MGAT4C: variants seen among roughly 807,000 people sequenced by gnomAD.
MGAT4C encodes alpha-1,3-mannosyl-glycoprotein 4-beta-N-acetylglucosaminyltransferase C.
MGAT4C carries 19 observed loss-of-function variants against 40.1 expected under a neutral mutation model. The observed-to-expected ratio is 0.47, with a 90% confidence interval of 0.33 to 0.70. The LOEUF is 0.70. MGAT4C is among the 30% of genes least tolerant of loss of function. MGAT4C has a pLI of 0.02. For missense variants in MGAT4C, 491 were observed against 563.2 expected (o/e 0.87, Z 1.30); for synonymous variants, 181 against 187.1 (o/e 0.97, Z 0.27).
chr12:86,649,375 C>CA lies in MGAT4C; in HGVS notation c.-229+77833dup, dbSNP rs1293506957. On this transcript the variant is annotated intron_variant, in intron 2 of 7. Transcript: ENST00000548651. ...AGCTTTTTATTTCTAGTTATTAACA[C>CA]AGGATCTTTAATGTAGTAGATGTTT... Among the ~76,000 whole-genome samples, 4 of 151,820 alleles carry CA rather than the reference C, an allele frequency of 2.6e-5. No homozygotes were observed. In the East Asian group the frequency reaches 7.8e-4, roughly 30 times the overall value.
At chr12:86,718,809 G>A (rs1337175103) in intron 2 of MGAT4C, among the ~76,000 whole-genome samples, 1 of 152,088 alleles carries the variant, frequency 6.6e-6, no homozygotes, top group Non-Finnish European at 1.5e-5. Context: ...TCTAACTAAT[G>A]TCTGTTTATC....
At chr12:86,678,425 TTTTTTA>T (rs2136574708) in intron 2 of MGAT4C, among the ~76,000 whole-genome samples, 1 of 152,148 alleles carries the variant, frequency 6.6e-6, no homozygotes, top group Admixed American at 6.6e-5. Context: ...TTCCTCTTTT[TTTTTTA>T]TTTTATTATT....
chr12:86,272,775 C>A, intron 4 of MGAT4C, among the ~76,000 whole-genome samples: 1 of 151,990 alleles, frequency 6.6e-6, no homozygotes, highest in East Asian at 1.9e-4. Context: ...TCACATTGAG[C>A]CTGGGAGGTC....
intron 2 of MGAT4C, among the ~76,000 whole-genome samples, chr12:86,443,954 C>T (rs1957286706): frequency 6.6e-6 from 1 of 152,114 alleles, no homozygotes; most frequent in Non-Finnish European, 1.5e-5. Context: ...TCTTCTTATT[C>T]ATATAAGTTA....
At chr12:86,243,461 A>G (rs1951874951) in intron 1 of MGAT4C, among the ~76,000 whole-genome samples, 1 of 152,164 alleles carries the variant, frequency 6.6e-6, no homozygotes, top group African/African-American at 2.4e-5. Context: ...CTTACAGCCA[A>G]TAGAATAAGG....
chr12:86,248,624 C>T (rs551311348), intron 1 of MGAT4C, among the ~76,000 whole-genome samples: 125 of 152,226 alleles, frequency 8.2e-4, no homozygotes, highest in African/African-American at 3.0e-3. Flanking sequence ...CCTCTTCTGT[C>T]ATGCCTTTTC....
chr12:86,674,538 A>G (rs1430067841), intron 2 of MGAT4C, among the ~76,000 whole-genome samples: 1 of 152,028 alleles, frequency 6.6e-6, no homozygotes, highest in East Asian at 1.9e-4. Flanking sequence ...TTTACTAAAA[A>G]TACAAGAAAC....
intron 1 of MGAT4C, among the ~76,000 whole-genome samples, chr12:86,125,641 G>T (rs1880110133): frequency 6.6e-6 from 1 of 152,088 alleles, no homozygotes; most frequent in African/African-American, 2.4e-5. Context: ...CAATGAAATA[G>T]AATTATTACA....
intron 2 of MGAT4C, among the ~76,000 whole-genome samples, chr12:86,526,245 G>A (rs572818263): frequency 3.3e-5 from 5 of 152,194 alleles, no homozygotes; most frequent in South Asian, 2.1e-4. Flanking sequence ...AGGGTTGGCC[G>A]GCTCTGTGCC....
At chr12:86,808,555 A>T (rs1952408394) in intron 1 of MGAT4C, among the ~76,000 whole-genome samples, 1 of 152,046 alleles carries the variant, frequency 6.6e-6, no homozygotes, top group Non-Finnish European at 1.5e-5. Flanking sequence ...TAGATGCAAA[A>T]AAGGACTTCA....
At chr12:86,748,575 G>A (rs1230389107) in intron 1 of MGAT4C, among the ~76,000 whole-genome samples, 2 of 151,622 alleles carry the variant, frequency 1.3e-5, no homozygotes, top group African/African-American at 4.8e-5. Flanking sequence ...CAGAACTGGA[G>A]GCCATGCTGA....
intron 4 of MGAT4C, among the ~76,000 whole-genome samples, chr12:86,269,929 T>A (rs1952899640): frequency 6.6e-6 from 1 of 152,212 alleles, no homozygotes. Flanking sequence ...GTTTATTATT[T>A]TAAACCATTT....
chr12:86,089,033 T>C (rs1461811312), intron 1 of MGAT4C, among the ~76,000 whole-genome samples: 2 of 152,010 alleles, frequency 1.3e-5, no homozygotes, highest in African/African-American at 2.4e-5. Context: ...CTCTTCTTTA[T>C]GTCAAATATT....
intron 2 of MGAT4C, among the ~76,000 whole-genome samples, chr12:86,486,853 G>A (rs761981293): frequency 2.0e-5 from 3 of 152,124 alleles, no homozygotes; most frequent in Non-Finnish European, 4.4e-5. Context: ...TCTGTTGATA[G>A]TTAAACCCAG....
At chr12:86,274,511 A>T (rs1380059586) in intron 4 of MGAT4C, among the ~76,000 whole-genome samples, 2 of 152,194 alleles carry the variant, frequency 1.3e-5, no homozygotes. Context: ...GGCAATCTTC[A>T]TCAATTTATA....
intron 2 of MGAT4C, among the ~76,000 whole-genome samples, chr12:86,676,847 A>G (rs1056107362): frequency 6.6e-6 from 1 of 152,186 alleles, no homozygotes; most frequent in African/African-American, 2.4e-5. Flanking sequence ...GATATTTAAA[A>G]CTATGATTCA....
intron 1 of MGAT4C, among the ~76,000 whole-genome samples, chr12:86,250,937 G>T (rs1052982364): frequency 6.6e-6 from 1 of 151,892 alleles, no homozygotes; most frequent in Admixed American, 6.6e-5. Context: ...AATTTTTAAT[G>T]AAACTCCTGA....
At chr12:86,093,783 G>T (rs940460929) in intron 1 of MGAT4C, among the ~76,000 whole-genome samples, 1 of 148,956 alleles carries the variant, frequency 6.7e-6, no homozygotes. Context: ...CACCTACAAG[G>T]CCCTTTTAAA....
At chr12:86,557,365 G>C (rs932628758) in intron 2 of MGAT4C, among the ~76,000 whole-genome samples, 1 of 152,084 alleles carries the variant, frequency 6.6e-6, no homozygotes, top group Non-Finnish European at 1.5e-5. Flanking sequence ...GGGTCCTGGG[G>C]TTCAGCCAAC....
Sources: allele counts gnomAD v4.1 joint callset (sites outside exome capture counted in the v4.1 genomes callset), GRCh38; gene constraint gnomAD v4.1.1; transcripts MANE v1.5; gene names NCBI Gene and HGNC (gene_info 2026-07-23, HGNC 2026-07-21).